OPRD1: variants seen among roughly 807,000 people sequenced by gnomAD.
The protein encoded by OPRD1 is opioid receptor delta 1.
A neutral mutation model predicts 17.5 loss-of-function variants in OPRD1; 19 were observed. The observed-to-expected ratio is 1.09, with a 90% CI of 0.76 to 1.60. The LOEUF (loss-of-function observed/expected upper bound fraction) is 1.60, where lower values mean the gene tolerates loss of function less well. OPRD1 is among the 40% of genes most tolerant of loss of function. OPRD1 has a pLI of 0.00. For synonymous variants in OPRD1, 256 were observed against 240.9 expected, an observed-to-expected ratio of 1.06 and a Z score of -0.58; for missense variants, 483 against 547.2, an observed-to-expected ratio of 0.88 and a Z score of 1.17.
At position 28,862,842 on chromosome 1, in the gene OPRD1, C is replaced by T. The variant is rs754936054; in HGVS notation, c.678C>T (p.Ile226=). The change falls in exon 3 of 3, where the codon ATC becomes ATT. Residue 226 remains isoleucine (I), a synonymous_variant. Coordinates refer to ENST00000234961, the MANE Select transcript of OPRD1 (RefSeq NM_000911.4). ...CVFLFAFVVP[I]LIITVCYGLM... The stretch of plus-strand genomic sequence containing the variant: ...TCCTCTTCGCCTTCGTGGTGCCCAT[C>T]CTCATCATCACCGTGTGCTATGGCC... The T allele has an allele frequency of 6.2e-7, 1 of 1,613,110 alleles. No individual in the cohort carries two copies. The highest frequency in any genetic ancestry group is 8.5e-7 in the Non-Finnish European group (1 of 1,180,028).
At chr1:28,830,186 C>T (rs1039259876) in intron 1 of OPRD1, among the ~76,000 whole-genome samples, 13 of 152,000 alleles carry the variant, frequency 8.6e-5, no homozygotes, top group East Asian at 1.9e-4. Context: ...CTCTTACAGG[C>T]GTGTGGTTTG....
chr1:28,865,242 C>T lies in OPRD1; in HGVS notation c.*1959C>T, dbSNP rs2089166389. Reference sequence around the variant, plus strand: ...CCTCACCAACACTGCCTCAGTAATGCACCCCTGACTCCCTATTGAAGCAGT... The same window carrying T: ...CCTCACCAACACTGCCTCAGTAATGTACCCCTGACTCCCTATTGAAGCAGT... On this transcript the variant is annotated 3_prime_UTR_variant, in exon 3 of 3. Coordinates refer to ENST00000234961, the MANE Select transcript of OPRD1 (RefSeq NM_000911.4). 1 of 152,416 alleles carries T rather than the reference C, an allele frequency of 6.6e-6. No individual in the cohort carries two copies. Among genetic ancestry groups the T allele is most frequent in the Non-Finnish European group, 1.5e-5 (1 of 68,060 alleles). 9.4% of individuals were successfully genotyped at this position (152,416 alleles called of 1,614,324 possible). A position where few individuals can be genotyped will look rare whatever the true frequency, so the allele number is the denominator to read the frequency against.
At chr1:28,840,035 C>G (rs887540336) in intron 1 of OPRD1, among the ~76,000 whole-genome samples, 1 of 152,230 alleles carries the variant, frequency 6.6e-6, no homozygotes, top group African/African-American at 2.4e-5. Flanking sequence ...AGCGCTGTGT[C>G]TCCTCTGAGC....
chr1:28,859,213 G>C lies in OPRD1; in HGVS notation c.487G>C (p.Ala163Pro). ...CAAGGCCCTGGACTTCCGCACGCCT[G>C]CCAAGGCCAAGCTGATCAACATCTG... ...PVKALDFRTP[A>P]KAKLINICIW... Residue 163 changes from alanine (A) to proline (P), a missense_variant, in exon 2 of 3, where the codon GCC (alanine) becomes CCC (proline). Physicochemically the swap from Ala to Pro is conservative, Grantham distance 27. Transcript: ENST00000234961. The C allele has an allele frequency of 6.2e-7, 1 of 1,614,250 alleles. No homozygotes were observed. The highest frequency in any genetic ancestry group is 1.1e-5 in the South Asian group (1 of 91,086).
intron 1 of OPRD1, among the ~76,000 whole-genome samples, chr1:28,835,634 C>G (rs1394526499): frequency 2.0e-5 from 3 of 152,186 alleles, no homozygotes; most frequent in Non-Finnish European, 4.4e-5. Flanking sequence ...AGCTGGACCC[C>G]GGCTGACTGG....
chr1:28,859,078 G>A lies in OPRD1; in HGVS notation c.352G>A (p.Glu118Lys), dbSNP rs780286580. ...KYLMETWPFGELLCKAVLSID... is the reference protein window; with the variant it reads ...KYLMETWPFGKLLCKAVLSID... ...CCTGATGGAGACGTGGCCCTTCGGCGAGCTGCTCTGCAAGGCTGTGCTCTC... is the reference window on the plus strand; with the variant it reads ...CCTGATGGAGACGTGGCCCTTCGGCAAGCTGCTCTGCAAGGCTGTGCTCTC... Residue 118 changes from glutamate to lysine, a missense_variant, in exon 2 of 3, where the codon GAG becomes AAG. By Grantham distance (56) the Glu-to-Lys change is moderately conservative. Coordinates refer to ENST00000234961, the MANE Select transcript of OPRD1 (RefSeq NM_000911.4). The A allele has an allele frequency of 5.8e-5, 93 of 1,614,066 alleles. No individual in the cohort carries two copies. The East Asian group carries it at 6.2e-4, about 11-fold the overall frequency.
chr1:28,832,740 T>A (rs1368798466), intron 1 of OPRD1, among the ~76,000 whole-genome samples: 1 of 152,208 alleles, frequency 6.6e-6, no homozygotes, highest in Non-Finnish European at 1.5e-5. Context: ...CCTTTCATCT[T>A]TGGGTCAGTT....
chr1:28,861,906 T>G (rs1374858900), intron 2 of OPRD1, among the ~76,000 whole-genome samples: 49 of 149,938 alleles, frequency 3.3e-4, no homozygotes, highest in African/African-American at 1.1e-3. Flanking sequence ...GCCTTTTCTT[T>G]TCTTTTCTTT....
At chr1:28,858,173 G>A (rs1323537362) in intron 1 of OPRD1, among the ~76,000 whole-genome samples, 1 of 148,788 alleles carries the variant, frequency 6.7e-6, no homozygotes, top group African/African-American at 2.5e-5. Context: ...GAGTGCAGTG[G>A]CGCAATCTCG....
chr1:28,817,445 T>G (rs2088679429), intron 1 of OPRD1, among the ~76,000 whole-genome samples: 1 of 152,200 alleles, frequency 6.6e-6, no homozygotes, highest in Non-Finnish European at 1.5e-5. Context: ...TTCAGTCTCC[T>G]GCCGAGGTTC....
Position 28,862,846 on chromosome 1 carries a change from A to C in OPRD1, c.682A>C (p.Ile228Leu). The C allele has an allele frequency of 6.2e-7, 1 of 1,612,996 alleles. No homozygotes were observed. Among genetic ancestry groups the C allele is most frequent in the Non-Finnish European group, 8.5e-7 (1 of 1,180,012 alleles). ...FLFAFVVPIL[I>L]ITVCYGLMLL... ...CTTCGCCTTCGTGGTGCCCATCCTC[A>C]TCATCACCGTGTGCTATGGCCTCAT... Residue 228 changes from isoleucine to leucine, a missense_variant, in exon 3 of 3, where the codon ATC becomes CTC. Coordinates refer to ENST00000234961, the MANE Select transcript of OPRD1 (RefSeq NM_000911.4).
chr1:28,817,703 G>T (rs984092512), intron 1 of OPRD1, among the ~76,000 whole-genome samples: 1 of 152,102 alleles, frequency 6.6e-6, no homozygotes, highest in South Asian at 2.1e-4. Context: ...GGCAAAAACA[G>T]CTTAACTTCC....
rs1250262352 is a variant in OPRD1 at position 28,859,110 on chromosome 1, C to T, written c.384C>T (p.Asp128=). The change falls in exon 2 of 3, where the codon GAC becomes GAT. Residue 128 remains aspartate (D), a synonymous_variant. Coordinates refer to ENST00000234961, the MANE Select transcript of OPRD1 (RefSeq NM_000911.4). ...TCTGCAAGGCTGTGCTCTCCATCGA[C>T]TACTACAATATGTTCACCAGCATCT... ...ELLCKAVLSI[D]YYNMFTSIFT... 2 of 1,614,236 alleles carry T rather than the reference C, an allele frequency of 1.2e-6. No individual in the cohort carries two copies. Among genetic ancestry groups the T allele is most frequent in the East Asian group, 4.5e-5 (2 of 44,890 alleles).
chr1:28,843,555 A>G lies in OPRD1; in HGVS notation c.228-15399A>G, dbSNP rs1405872918. Among the ~76,000 whole-genome samples, 3 of 152,202 alleles carry G rather than the reference A, an allele frequency of 2.0e-5. No homozygotes were observed. The East Asian group carries it at 5.8e-4, about 29-fold the overall frequency. ...AGTGTTTGTCTTTTTTGACTGGCAA[A>G]TTTTATTTAGCACGATATCCTCAAG... is the stretch of plus-strand genomic sequence containing the variant. On this transcript the variant is annotated intron_variant, in intron 1 of 2. Coordinates refer to ENST00000234961, the MANE Select transcript of OPRD1 (RefSeq NM_000911.4).
At chr1:28,824,179 CAA>C (rs759567245) in intron 1 of OPRD1, among the ~76,000 whole-genome samples, 16 of 82,290 alleles carry the variant, frequency 1.9e-4, no homozygotes, top group Non-Finnish European at 2.8e-4. Flanking sequence ...AACCTATCTC[CAA>C]AAAAAAAAAA....
chr1:28,816,087 G>A (rs1242361031), intron 1 of OPRD1, among the ~76,000 whole-genome samples: 1 of 152,172 alleles, frequency 6.6e-6, no homozygotes, highest in Non-Finnish European at 1.5e-5. Flanking sequence ...GAGAACATGA[G>A]GGGCTCTGTG....
At position 28,863,256 on chromosome 1, in the gene OPRD1, T is replaced by A; in HGVS notation, c.1092T>A (p.Asp364Glu). ...GTGTCACCGCCTGCACCCCGTCCGA[T>A]GGTCCCGGCGGTGGCGCTGCCGCCT... ...RERVTACTPS[D>E]GPGGGAAA is the part of the protein sequence containing the mutation. The change falls in exon 3 of 3, where the codon GAT becomes GAA. Residue 364 changes from aspartate (D) to glutamate (E), a missense_variant. Physicochemically the swap from Asp to Glu is conservative, Grantham distance 45. Coordinates refer to ENST00000234961, the MANE Select transcript of OPRD1 (RefSeq NM_000911.4). 6.6e-7 allele frequency: 1 copy of A among 1,504,114 alleles called. No homozygotes were observed. Among genetic ancestry groups the A allele is most frequent in the Non-Finnish European group, 8.8e-7 (1 of 1,136,686 alleles). The allele number at this position is 1,504,114 out of a possible 1,614,324, so 93.2% of individuals were successfully genotyped here.
chr1:28,831,138 C>T (rs143775212), intron 1 of OPRD1, among the ~76,000 whole-genome samples: 43 of 152,346 alleles, frequency 2.8e-4, no homozygotes, highest in Admixed American at 8.5e-4. Flanking sequence ...CTGAGGGGAG[C>T]GAATGGAGCT....
intron 1 of OPRD1, among the ~76,000 whole-genome samples, chr1:28,845,226 G>A (rs1460897026): frequency 1.3e-5 from 2 of 152,024 alleles, no homozygotes; most frequent in East Asian, 1.9e-4. Context: ...GCTCATGCCT[G>A]TAATCCCAGC....
Sources: allele counts gnomAD v4.1 joint callset (sites outside exome capture counted in the v4.1 genomes callset), GRCh38; gene constraint gnomAD v4.1.1; transcripts MANE v1.5; gene names NCBI Gene and HGNC (gene_info 2026-07-23, HGNC 2026-07-21).